Variants in KMT2C observed in about 807,000 individuals in gnomAD.
KMT2C encodes the protein lysine methyltransferase 2C.
A neutral mutation model predicts 507.9 loss-of-function variants in KMT2C; 88 were observed. The observed-to-expected ratio is 0.17, with a 90% confidence interval of 0.15 to 0.21. KMT2C has a LOEUF of 0.21. Ranked by LOEUF, KMT2C falls within the 10% of genes least tolerant of loss-of-function variation. The pLI, the probability that KMT2C is intolerant of heterozygous loss-of-function variation, is 1.00. For missense variants in KMT2C, 4,954 were observed against 5,957.8 expected, an observed-to-expected ratio of 0.83 and a Z score of 5.55; for synonymous variants, 2,049 against 2,080.8, an observed-to-expected ratio of 0.98 and a Z score of 0.42.
chr7:152,207,623 A>G (rs971920369), intron 23 of KMT2C, among the ~76,000 whole-genome samples, 195 bp from the exon 24 acceptor site: 23 of 152,152 alleles, frequency 1.5e-4, no homozygotes, highest in African/African-American at 5.6e-4. Flanking sequence ...CAGTGTTCCC[A>G]TGAAATAAAA....
At chr7:152,407,671 CAAAAAA>C (rs11440446) in intron 1 of KMT2C, among the ~76,000 whole-genome samples, 1 of 136,266 alleles carries the variant, frequency 7.3e-6, no homozygotes, top group Admixed American at 7.2e-5. Context: ...GACTCTGTCT[CAAAAAA>C]AAAAAAAAGG....
chr7:152,135,896 ACT>A lies in KMT2C; in HGVS notation c.*934_*935del, dbSNP rs1179537237. The A allele has an allele frequency of 4.3e-6, 1 of 231,188 alleles. No individual in the cohort carries two copies. Among genetic ancestry groups the A allele is most frequent in the Non-Finnish European group, 8.6e-6 (1 of 116,682 alleles). The allele number at this position is 231,188 out of a possible 1,614,324, so 14.3% of individuals were successfully genotyped here. On this transcript the variant is annotated 3_prime_UTR_variant, in exon 59 of 59. Transcript: ENST00000262189. ...CTGCGGTTTCCAAAAAACCCCCAAC[ACT>A]CTAGGTTGAAATTTTGGTTATTACA... is the stretch of plus-strand genomic sequence containing the variant.
chr7:152,346,721 T>G (rs1238646533), intron 2 of KMT2C, among the ~76,000 whole-genome samples: 1 of 152,204 alleles, frequency 6.6e-6, no homozygotes, highest in African/African-American at 2.4e-5. Context: ...AATAGCCTAC[T>G]GTTGACAGGA....
At chr7:152,205,830 C>T (rs918188129) in intron 24 of KMT2C, among the ~76,000 whole-genome samples, 1 of 152,174 alleles carries the variant, frequency 6.6e-6, no homozygotes, top group Non-Finnish European at 1.5e-5. Flanking sequence ...TTTCTCTGAA[C>T]TTAAGTGATG....
chr7:152,340,952 AGTT>A (rs753194252), intron 2 of KMT2C, among the ~76,000 whole-genome samples: 8 of 152,212 alleles, frequency 5.3e-5, no homozygotes, highest in Non-Finnish European at 7.3e-5. Flanking sequence ...TGTTTTATTT[AGTT>A]GTTATCAGTA....
Position 152,292,086 on chromosome 7 carries a change from G to GT in KMT2C, c.849+17879dup, listed in dbSNP as rs572248989. On this transcript the variant is annotated intron_variant, in intron 6 of 58. Transcript: ENST00000262189. ...TTTATTCCTGTTGGCTGGGAATATT[G>GT]TGAGAAGTGCCAAGTCTGGTAATGC... is the stretch of plus-strand genomic sequence containing the variant. 7.4e-4 allele frequency among the ~76,000 whole-genome samples: 113 copies of GT among 151,892 alleles called. 1 individual carries two copies. The highest frequency in any genetic ancestry group is 3.9e-4 in the Admixed American group (6 of 15,238).
chr7:152,424,915 A>T (rs983018900), intron 1 of KMT2C, among the ~76,000 whole-genome samples: 12 of 152,336 alleles, frequency 7.9e-5, no homozygotes, highest in Admixed American at 3.9e-4. Flanking sequence ...CAGAGCTCCC[A>T]AGAGTACAAA....
chr7:152,230,949 T>G (rs2095089335), intron 16 of KMT2C, among the ~76,000 whole-genome samples: 1 of 152,132 alleles, frequency 6.6e-6, no homozygotes, highest in Admixed American at 6.5e-5. Flanking sequence ...CCCAGGTAGC[T>G]GGGATTACAG....
At chr7:152,245,710 CAT>C (rs879734626) in intron 14 of KMT2C, among the ~76,000 whole-genome samples, 30 of 152,204 alleles carry the variant, frequency 2.0e-4, no homozygotes, top group Non-Finnish European at 4.3e-4. Context: ...TAGAAAAGCT[CAT>C]ATAATACTAT....
chr7:152,199,190 C>T (rs2094055647), intron 27 of KMT2C, 89 bp downstream of exon 27: 2 of 1,089,046 alleles, frequency 1.8e-6, no homozygotes, highest in African/African-American at 1.7e-5. Context: ...GCATATGAGG[C>T]CAAACAAAAA....
chr7:152,263,202 A>G, intron 8 of KMT2C, 72 bp from the exon 9 acceptor site: 1 of 1,344,582 alleles, frequency 7.4e-7, no homozygotes, highest in Non-Finnish European at 1.1e-6. Flanking sequence ...AATCATGAAA[A>G]TAATCAGTCC....
In KMT2C at chr7:152,176,389, T is replaced by C. The variant is rs2129112960; in HGVS notation, c.9064A>G (p.Thr3022Ala). Residue 3022 changes from threonine (T) to alanine (A), a missense_variant, in exon 38 of 59, where the codon ACC (threonine) becomes GCC (alanine). Physicochemically the swap from Thr to Ala is moderately conservative, Grantham distance 58. Around this residue, in one of 29 missense-constraint regions of KMT2C, gnomAD observed 1,689 missense variants for 1,654.3 expected, o/e 1.02. Coordinates refer to ENST00000262189, the MANE Select transcript of KMT2C (RefSeq NM_170606.3). ...TGTTGGGGTCCAGACATGCTACTGG[T>C]ACCAGACTGACTTGTTTGAGGCCCA... ...QTGPQTSQSG[T>A]SSMSGPQQLM... 1 of 1,614,174 alleles carries C rather than the reference T, an allele frequency of 6.2e-7. No homozygotes were observed. Among genetic ancestry groups the C allele is most frequent in the Non-Finnish European group, 8.5e-7 (1 of 1,180,016 alleles).
At chr7:152,233,344 G>T (rs1189249920) in intron 16 of KMT2C, among the ~76,000 whole-genome samples, 1 of 152,068 alleles carries the variant, frequency 6.6e-6, no homozygotes, top group Non-Finnish European at 1.5e-5. Flanking sequence ...TTATCCAGAA[G>T]GTGATAGAAA....
In KMT2C at chr7:152,144,992, G is replaced by A. The variant is rs768388043; in HGVS notation, c.14175-111C>T. 6 of 1,384,592 alleles carry A rather than the reference G, an allele frequency of 4.3e-6. No homozygotes were observed. Among genetic ancestry groups the A allele is most frequent in the Non-Finnish European group, 5.9e-6 (6 of 1,021,538 alleles). The allele number at this position is 1,384,592 out of a possible 1,614,324, so 85.8% of individuals were successfully genotyped here. ...GATTCTTACTGACAGAAACATACAT[G>A]GAAAGCTGCCTAGCAGAGACACACG... On this transcript the variant is annotated intron_variant, in intron 54 of 58. Transcript: ENST00000262189. The surrounding 1 kb of genome is among the most constrained non-coding windows in gnomAD (Gnocchi z 4.4).
At chr7:152,290,240 G>GTGTGTGTGTGTGTA (rs2096390154) in intron 6 of KMT2C, among the ~76,000 whole-genome samples, 12 of 100,846 alleles carry the variant, frequency 1.2e-4, no homozygotes, top group African/African-American at 5.6e-4. Context: ...GTGTGTGTGT[G>GTGTGTGTGTGTGTA]TGTGTGTGTG....
At position 152,257,441 on chromosome 7, in the gene KMT2C, A is replaced by T. The variant is rs921956063; in HGVS notation, c.1300-4726T>A. ...CAGTGACAATTCTGAGTAAAACTTC[A>T]TATAGTATTGAGTTTTGAAAGTATA... On this transcript the variant is annotated intron_variant, in intron 9 of 58. Coordinates refer to ENST00000262189, the MANE Select transcript of KMT2C (RefSeq NM_170606.3). Among the ~76,000 whole-genome samples, 45 of 152,342 alleles carry T rather than the reference A, an allele frequency of 3.0e-4. 3 individuals carry two copies. Among genetic ancestry groups the T allele is most frequent in the Middle Eastern group, 3.4e-3 (1 of 294 alleles).
At chr7:152,190,569 CTTATT>C (rs2129126759) in intron 31 of KMT2C, among the ~76,000 whole-genome samples, 1 of 152,152 alleles carries the variant, frequency 6.6e-6, no homozygotes, top group Admixed American at 6.5e-5. Context: ...AGTATTTCTT[CTTATT>C]TTATTCAAGA....
chr7:152,155,843 T>C, intron 46 of KMT2C, 67 bp downstream of exon 46: 1 of 1,448,624 alleles, frequency 6.9e-7, no homozygotes, highest in Non-Finnish European at 9.4e-7. Flanking sequence ...TTATGCCACA[T>C]ACATACATTT....
At chr7:152,248,661 A>G (rs1263358342) in intron 13 of KMT2C, 41 bp from the exon 14 acceptor site, 5 of 1,313,988 alleles carry the variant, frequency 3.8e-6, no homozygotes, top group Non-Finnish European at 5.3e-6. Context: ...TGTACAAACA[A>G]ATTTTAAATT....
Sources: allele counts gnomAD v4.1 joint callset (sites outside exome capture counted in the v4.1 genomes callset), GRCh38; gene constraint gnomAD v4.1.1; regional missense constraint gnomAD v4.1.1; non-coding constraint Gnocchi (gnomAD v3.1); transcripts MANE v1.5; gene names NCBI Gene and HGNC (gene_info 2026-07-23, HGNC 2026-07-21).